CCDC102B: variants seen among roughly 807,000 people sequenced by gnomAD.
CCDC102B encodes coiled-coil domain containing 102B.
A neutral mutation model predicts 57.4 loss-of-function variants in CCDC102B; 75 were observed. That is an observed-to-expected ratio of 1.31 (90% CI 1.08 to 1.58). CCDC102B has a LOEUF of 1.58. CCDC102B is among the 40% of genes most tolerant of loss of function. The pLI, the probability that CCDC102B is intolerant of heterozygous loss-of-function variation, is 0.00. For missense variants in CCDC102B, 636 were observed against 582.6 expected, an observed-to-expected ratio of 1.09 and a Z score of -0.94; for synonymous variants, 206 against 201.9, an observed-to-expected ratio of 1.02 and a Z score of -0.17.
chr18:68,931,094 T>C (rs2041657463), intron 6 of CCDC102B, among the ~76,000 whole-genome samples: 1 of 151,898 alleles, frequency 6.6e-6, no homozygotes, highest in African/African-American at 2.4e-5. Flanking sequence ...TTTAACACTT[T>C]GAGTAGATAA....
At chr18:69,033,608 C>A (rs1022827282) in intron 7 of CCDC102B, among the ~76,000 whole-genome samples, 1 of 152,000 alleles carries the variant, frequency 6.6e-6, no homozygotes, top group Non-Finnish European at 1.5e-5. Context: ...CATCTTGTAG[C>A]ATGGATCAAT....
chr18:68,731,188 G>A (rs1295837123), intron 2 of CCDC102B, among the ~76,000 whole-genome samples: 1 of 152,080 alleles, frequency 6.6e-6, no homozygotes, highest in African/African-American at 2.4e-5. Context: ...GTTTCACCAT[G>A]TTGGCCAGGC....
chr18:68,930,346 G>A lies in CCDC102B; in HGVS notation c.1263+32918G>A, dbSNP rs1011292882. ...GTTTATGGGCTATTTTTAAATCATA[G>A]GTGTTCTTGGGATACCGGCAAAGGA... On this transcript the variant is annotated intron_variant, in intron 6 of 7. Coordinates refer to ENST00000360242, the MANE Select transcript of CCDC102B (RefSeq NM_024781.3). Among the ~76,000 whole-genome samples, 3 of 150,996 alleles carry A rather than the reference G, an allele frequency of 2.0e-5. No homozygotes were observed. The Admixed American group carries it at 2.0e-4, about 10-fold the overall frequency.
intron 7 of CCDC102B, among the ~76,000 whole-genome samples, chr18:69,045,284 A>T (rs2052533098): frequency 6.6e-6 from 1 of 152,066 alleles, no homozygotes. Flanking sequence ...ACAAAAATAT[A>T]ATGATTATGA....
rs796687669 is a variant in CCDC102B at position 68,933,097 on chromosome 18, TA to T, written c.1263+35680del. On this transcript the variant is annotated intron_variant, in intron 6 of 7. Transcript: ENST00000360242. ...ATAGTGTTATTTTATTTACTCCTCA[TA>T]AAAAAAAAAATATTAGGAAGAGATT... Among the ~76,000 whole-genome samples, 304 of 127,666 alleles carry T rather than the reference TA, an allele frequency of 2.4e-3. 3 individuals carry two copies. Among genetic ancestry groups the T allele is most frequent in the African/African-American group, 6.4e-3 (258 of 40,144 alleles). The allele number at this position is 127,666 out of a possible 152,430, so 83.8% of individuals were successfully genotyped here. A position where few individuals can be genotyped will look rare whatever the true frequency, so the allele number is the denominator to read the frequency against.
chr18:69,010,997 G>T lies in CCDC102B; in HGVS notation c.1327G>T (p.Glu443Ter), dbSNP rs1345478964. The T allele has an allele frequency of 1.2e-6, 2 of 1,613,732 alleles. No individual in the cohort carries two copies. The highest frequency in any genetic ancestry group is 1.1e-5 in the South Asian group (1 of 91,042). Residue 443 changes from glutamate to a stop codon, truncating the protein, a stop_gained, in exon 7 of 8, where the codon GAA becomes TAA. Transcript: ENST00000360242. LOFTEE classifies it high-confidence loss of function. ...LNRQYQANIAELTHANNRVDQ... is the reference protein window; with the variant it reads ...LNRQYQANIA Reference sequence around the variant, plus strand: ...CAGACAATACCAGGCAAATATTGCAGAACTGACTCATGCAAACAACCGAGT... The same window carrying T: ...CAGACAATACCAGGCAAATATTGCATAACTGACTCATGCAAACAACCGAGT...
chr18:68,909,918 AG>A (rs145409508), intron 6 of CCDC102B, among the ~76,000 whole-genome samples: 2,783 of 152,306 alleles, frequency 0.018, 99 homozygotes, highest in African/African-American at 0.063. Context: ...TAAATAAGAC[AG>A]AATTACAGAA....
chr18:68,894,093 A>G (rs1211218641), intron 5 of CCDC102B, among the ~76,000 whole-genome samples: 1 of 151,996 alleles, frequency 6.6e-6, no homozygotes, highest in Non-Finnish European at 1.5e-5. Flanking sequence ...AGGCCTTTCT[A>G]TGACACTCAA....
chr18:69,012,391 T>C (rs907135831), intron 7 of CCDC102B, among the ~76,000 whole-genome samples: 1 of 152,164 alleles, frequency 6.6e-6, no homozygotes, highest in Non-Finnish European at 1.5e-5. Flanking sequence ...GTTCGTGGAC[T>C]AATGAAGTGC....
Position 69,016,153 on chromosome 18 carries a change from G to A in CCDC102B, c.1434+5049G>A, listed in dbSNP as rs1176501600. Among the ~76,000 whole-genome samples, 5 of 151,376 alleles carry A rather than the reference G, an allele frequency of 3.3e-5. No homozygotes were observed. In the South Asian group the frequency reaches 8.3e-4, roughly 25 times the overall value. ...GCTGGGATTACAGGCGTGAGCCACC[G>A]CGCCCGGCCAATTTAATTGTTATTT... On this transcript the variant is annotated intron_variant, in intron 7 of 7. Transcript: ENST00000360242.
At chr18:68,944,486 G>T (rs531835844) in intron 6 of CCDC102B, among the ~76,000 whole-genome samples, 1 of 152,138 alleles carries the variant, frequency 6.6e-6, no homozygotes, top group South Asian at 2.1e-4. Context: ...CTGGTTGGCA[G>T]ATGGGTATCT....
intron 7 of CCDC102B, among the ~76,000 whole-genome samples, chr18:69,031,178 G>C (rs1249962770): frequency 2.0e-5 from 3 of 152,084 alleles, no homozygotes; most frequent in Non-Finnish European, 4.4e-5. Flanking sequence ...GAATTGGAAG[G>C]ATATTTATAT....
At chr18:68,919,745 C>CT in intron 6 of CCDC102B, among the ~76,000 whole-genome samples, 1 of 152,182 alleles carries the variant, frequency 6.6e-6, no homozygotes, top group Middle Eastern at 3.4e-3. Context: ...AATCAATGTA[C>CT]TTTATTTACT....
At chr18:68,860,595 C>G (rs1160561931) in intron 4 of CCDC102B, among the ~76,000 whole-genome samples, 5 of 113,596 alleles carry the variant, frequency 4.4e-5, no homozygotes, top group Non-Finnish European at 9.7e-5. Context: ...ACTGGCAACT[C>G]CTCAGGGAGA....
chr18:68,927,768 G>C (rs1255021252), intron 6 of CCDC102B, among the ~76,000 whole-genome samples: 1 of 151,890 alleles, frequency 6.6e-6, no homozygotes, highest in Non-Finnish European at 1.5e-5. Flanking sequence ...ACATATTGCA[G>C]ATAGTTGAGT....
intron 4 of CCDC102B, among the ~76,000 whole-genome samples, chr18:68,867,833 C>A (rs1157573822): frequency 2.0e-5 from 3 of 151,878 alleles, no homozygotes; most frequent in African/African-American, 7.3e-5. Context: ...ACTCGACAGG[C>A]TGAGGCAGGA....
At chr18:68,969,167 G>A (rs756144287) in intron 6 of CCDC102B, among the ~76,000 whole-genome samples, 13 of 152,092 alleles carry the variant, frequency 8.5e-5, no homozygotes, top group Non-Finnish European at 1.5e-4. Flanking sequence ...CCATGCTAAC[G>A]TAATGAACTG....
Position 68,897,247 on chromosome 18 carries a change from C to T in CCDC102B, c.1082C>T (p.Ser361Leu), listed in dbSNP as rs545464307. 5.3e-5 allele frequency: 86 copies of T among 1,612,308 alleles called. No individual in the cohort carries two copies. In the East Asian group the frequency reaches 1.5e-3, roughly 28 times the overall value. The part of the protein sequence containing the change: ...ELERLQAENT[S>L]EWDKREILER... ...GAGAGATTGCAAGCTGAAAATACCT[C>T]GGAGTGGGACAAGAGGGAAATACTT... Residue 361 changes from serine (S) to leucine (L), a missense_variant, in exon 6 of 8, where the codon TCG becomes TTG. By Grantham distance (145) the Ser-to-Leu change is moderately radical (BLOSUM62 -2). Coordinates refer to ENST00000360242, the MANE Select transcript of CCDC102B (RefSeq NM_024781.3).
intron 6 of CCDC102B, among the ~76,000 whole-genome samples, chr18:68,932,640 G>C (rs2041714390): frequency 6.6e-6 from 1 of 151,866 alleles, no homozygotes; most frequent in Non-Finnish European, 1.5e-5. Context: ...CAATATCTTA[G>C]TTTGAGATTA....
Sources: gnomAD v4.1 joint callset for allele counts (sites outside exome capture counted in the v4.1 genomes callset) on GRCh38, gnomAD v4.1.1 for gene constraint, MANE v1.5 for transcripts, NCBI Gene and HGNC (gene_info 2026-07-23, HGNC 2026-07-21) for gene names.